The following GALK2 variants were observed in gnomAD, a reference collection of about 807,000 sequenced individuals.
GALK2 encodes the protein galactokinase 2, also known as N-acetylgalactosamine kinase.
In GALK2, 36 loss-of-function variants were observed where a neutral mutation model predicts 52.4. That is an observed-to-expected ratio of 0.69 (90% CI 0.53 to 0.91). GALK2 has a LOEUF of 0.91. Among genes scored for constraint, GALK2 ranks in the 40% least tolerant of loss-of-function variants. The pLI is 0.00. For missense variants in GALK2, 579 were observed against 559.1 expected (o/e 1.04, Z -0.36); for synonymous variants, 176 against 199.1 (o/e 0.88, Z 0.98).
chr15:49,316,791 A>G (rs988978003), intron 8 of GALK2, among the ~76,000 whole-genome samples: 5 of 152,216 alleles, frequency 3.3e-5, no homozygotes, highest in African/African-American at 1.2e-4. Context: ...AAGGATGTTC[A>G]GTGTCCTTCA....
intron 3 of GALK2, among the ~76,000 whole-genome samples, chr15:49,364,658 T>C (rs913533689): frequency 3.9e-5 from 6 of 152,168 alleles, no homozygotes; most frequent in Admixed American, 3.3e-4. Flanking sequence ...TCTGCAGTGA[T>C]AAAAGGTCCA....
At chr15:49,274,121 T>C (rs1160719764) in intron 5 of GALK2, among the ~76,000 whole-genome samples, 2 of 152,198 alleles carry the variant, frequency 1.3e-5, no homozygotes, top group Admixed American at 6.5e-5. Context: ...CCGGAGCCTG[T>C]TGATGCACAA....
chr15:49,291,777 G>T (rs1268040378), intron 7 of GALK2, among the ~76,000 whole-genome samples: 2 of 152,160 alleles, frequency 1.3e-5, no homozygotes, highest in Non-Finnish European at 2.9e-5. Flanking sequence ...GTGACCTAAT[G>T]AAGTGCTTCC....
At chr15:49,217,136 G>T in intron 2 of GALK2, 54 bp from the exon 3 acceptor site, 3 of 1,504,998 alleles carry the variant, frequency 2.0e-6, no homozygotes, top group African/African-American at 1.4e-5. Context: ...CTTTCTTGAG[G>T]TGCTTTTGTT....
intron 3 of GALK2, among the ~76,000 whole-genome samples, chr15:49,218,709 C>G (rs964617514): frequency 6.6e-6 from 1 of 152,184 alleles, no homozygotes. Flanking sequence ...ACATTTAGAT[C>G]ATTCCCAGTT....
At chr15:49,324,297 C>T (rs1423671342) in intron 9 of GALK2, among the ~76,000 whole-genome samples, 4 of 149,924 alleles carry the variant, frequency 2.7e-5, no homozygotes, top group South Asian at 2.1e-4. Context: ...CTCAGCCTCT[C>T]GCATCCATTC....
At chr15:49,347,242 A>C (rs1281810979) in intron 3 of GALK2, among the ~76,000 whole-genome samples, 1 of 152,224 alleles carries the variant, frequency 6.6e-6, no homozygotes, top group Non-Finnish European at 1.5e-5. Flanking sequence ...GAGACACAAA[A>C]ATAAGTAGAG....
At chr15:49,182,225 A>G (rs2141225648) in intron 1 of GALK2, among the ~76,000 whole-genome samples, 1 of 152,206 alleles carries the variant, frequency 6.6e-6, no homozygotes, top group East Asian at 1.9e-4. Context: ...TAGCTCCTGC[A>G]GATGAGTGAG....
intron 3 of GALK2, among the ~76,000 whole-genome samples, chr15:49,350,052 G>A (rs1161953930): frequency 6.6e-6 from 1 of 152,106 alleles, no homozygotes; most frequent in Non-Finnish European, 1.5e-5. Flanking sequence ...AAGGCTGCAC[G>A]TGACAAAGTA....
At chr15:49,193,550 C>T (rs1247241938) in intron 1 of GALK2, among the ~76,000 whole-genome samples, 1 of 151,690 alleles carries the variant, frequency 6.6e-6, no homozygotes. Context: ...TCCCTTAAGC[C>T]TGCATTATAT....
At chr15:49,276,907 T>G (rs1356259749) in intron 5 of GALK2, among the ~76,000 whole-genome samples, 10 of 139,260 alleles carry the variant, frequency 7.2e-5, no homozygotes, top group African/African-American at 2.3e-4. Flanking sequence ...ATCTGAGGTT[T>G]TTTTTTTTTT....
At chr15:49,259,556 A>T (rs1001191241) in intron 5 of GALK2, among the ~76,000 whole-genome samples, 6 of 148,522 alleles carry the variant, frequency 4.0e-5, no homozygotes, top group Non-Finnish European at 7.4e-5. Flanking sequence ...TCCATGGTGT[A>T]TATGTGCCAC....
chr15:49,272,335 CT>C (rs1190991999), intron 5 of GALK2, among the ~76,000 whole-genome samples: 3 of 152,032 alleles, frequency 2.0e-5, no homozygotes, highest in Non-Finnish European at 2.9e-5. Context: ...GCTTTCTTCA[CT>C]TTTTTGTTAA....
intron 5 of GALK2, among the ~76,000 whole-genome samples, chr15:49,274,546 T>G (rs990577923): frequency 9.9e-5 from 15 of 152,170 alleles, no homozygotes; most frequent in African/African-American, 3.6e-4. Flanking sequence ...ACACTGTCCA[T>G]GTAGGCTACA....
chr15:49,194,862 T>C lies in GALK2; in HGVS notation c.54-6300T>C, dbSNP rs188259049. 3.3e-4 allele frequency among the ~76,000 whole-genome samples: 51 copies of C among 152,284 alleles called. 1 individual carries two copies. In the East Asian group the frequency reaches 5.8e-3, roughly 17 times the overall value. On this transcript the variant is annotated intron_variant, in intron 1 of 9. Transcript: ENST00000560031. ...CGCCTGCCTTGGCTTCCCAAAATGC[T>C]TGGATTACAGGCATAAGCCACCGTG...
At chr15:49,220,976 G>C (rs1016324070) in intron 3 of GALK2, among the ~76,000 whole-genome samples, 2 of 152,078 alleles carry the variant, frequency 1.3e-5, no homozygotes, top group African/African-American at 4.8e-5. Flanking sequence ...GTATATTTTG[G>C]ATATTAGTTC....
chr15:49,337,836 A>G (rs1233998348), intron 3 of GALK2, among the ~76,000 whole-genome samples: 1 of 152,134 alleles, frequency 6.6e-6, no homozygotes, highest in Non-Finnish European at 1.5e-5. Flanking sequence ...ATGTCCCTGC[A>G]ATGTTTTTTA....
rs1010897439 is a variant in GALK2, at chr15:49,170,392, G to C, written c.53+17G>C. 1.9e-6 allele frequency: 3 copies of C among 1,577,662 alleles called. No homozygotes were observed. In the African/African-American group the frequency reaches 4.0e-5, roughly 21 times the overall value. Reference sequence around the variant, plus strand: ...ACATCCTAGGTGGGGGAGAGGAGACGCCGGGCTTTGGGATCTGCTGGGTTG... The same window carrying C: ...ACATCCTAGGTGGGGGAGAGGAGACCCCGGGCTTTGGGATCTGCTGGGTTG... On this transcript the variant is annotated intron_variant, in intron 1 of 9. Coordinates refer to ENST00000560031, the MANE Select transcript of GALK2 (RefSeq NM_002044.4).
intron 5 of GALK2, among the ~76,000 whole-genome samples, chr15:49,278,038 A>C (rs185660608): frequency 1.1e-4 from 16 of 151,416 alleles, no homozygotes; most frequent in Admixed American, 2.0e-4. Flanking sequence ...CGAGGCGGGC[A>C]GATCACGAGG....
Sources: allele counts gnomAD v4.1 joint callset (sites outside exome capture counted in the v4.1 genomes callset), GRCh38; gene constraint gnomAD v4.1.1; transcripts MANE v1.5; gene names NCBI Gene and HGNC (gene_info 2026-07-23, HGNC 2026-07-21).